CDH13: variants seen among roughly 807,000 people sequenced by gnomAD.
CDH13 encodes the protein cadherin-13.
A neutral mutation model predicts 63.8 loss-of-function variants in CDH13; 24 were observed. The observed-to-expected ratio is 0.38, with a 90% CI of 0.27 to 0.53. The LOEUF is 0.53. Among genes scored for constraint, CDH13 ranks in the 20% least tolerant of loss-of-function variants. The pLI is 0.85. For missense variants in CDH13, 1,049 were observed against 903.1 expected (o/e 1.16, Z -2.07); for synonymous variants, 503 against 355.3 (o/e 1.42, Z -4.67).
intron 7 of CDH13, among the ~76,000 whole-genome samples, chr16:83,492,475 C>A (rs2074036905): frequency 6.6e-6 from 1 of 152,106 alleles, no homozygotes; most frequent in African/African-American, 2.4e-5. Context: ...ATAAATATTT[C>A]TGTTGGGGTA....
At chr16:82,759,520 G>A (rs1297363950) in intron 1 of CDH13, among the ~76,000 whole-genome samples, 3 of 150,528 alleles carry the variant, frequency 2.0e-5, no homozygotes, top group Admixed American at 1.3e-4. Flanking sequence ...ATATTAATAT[G>A]TAGTAATATA....
chr16:82,858,462 C>T lies in CDH13; in HGVS notation c.146C>T (p.Ser49Leu). Residue 49 changes from serine to leucine, a missense_variant, in exon 2 of 14, where the codon TCA (serine) becomes TTA (leucine). By Grantham distance (145) the Ser-to-Leu change is moderately radical. Transcript: ENST00000567109. The part of the protein sequence containing the change: ...NQPAEFIEDQ[S>L]ILNLTFSDCK... The stretch of plus-strand genomic sequence containing the variant: ...CCAGCTGAATTCATTGAGGACCAGT[C>T]AATTCTAAACTGTAAGCAATGTCAC... 6.3e-7 allele frequency: 1 copy of T among 1,598,542 alleles called. No homozygotes were observed. The highest frequency in any genetic ancestry group is 8.6e-7 in the Non-Finnish European group (1 of 1,165,882).
chr16:83,594,414 T>C (rs2150740606), intron 7 of CDH13, among the ~76,000 whole-genome samples: 1 of 151,786 alleles, frequency 6.6e-6, no homozygotes, highest in Non-Finnish European at 1.5e-5. Context: ...GCCAGGGTGA[T>C]AATAATTGAT....
rs541547937 is a variant in CDH13 at position 83,496,880 on chromosome 16, C to T, written c.960+10225C>T. 2.5e-3 allele frequency among the ~76,000 whole-genome samples: 375 copies of T among 152,296 alleles called. 1 individual carries two copies. The highest frequency in any genetic ancestry group is 8.6e-3 in the African/African-American group (357 of 41,552). ...TGAACAGACACTTCTCAAAAGAAGA[C>T]GTTTATGCAGCCAAAAAACACATGA... On this transcript the variant is annotated intron_variant, in intron 7 of 13. Coordinates refer to ENST00000567109, the MANE Select transcript of CDH13 (RefSeq NM_001257.5).
chr16:83,678,727 C>G (rs1915164276), intron 10 of CDH13, among the ~76,000 whole-genome samples: 1 of 152,174 alleles, frequency 6.6e-6, no homozygotes, highest in African/African-American at 2.4e-5. Flanking sequence ...CCAGCCGGGT[C>G]TGCTGGCCCT....
At chr16:83,583,589 C>G (rs1905843351) in intron 7 of CDH13, among the ~76,000 whole-genome samples, 1 of 152,176 alleles carries the variant, frequency 6.6e-6, no homozygotes, top group Non-Finnish European at 1.5e-5. Flanking sequence ...GGTAAGATTG[C>G]TTTATTTTGC....
At chr16:83,166,076 C>T (rs981648776) in intron 4 of CDH13, among the ~76,000 whole-genome samples, 3 of 152,096 alleles carry the variant, frequency 2.0e-5, no homozygotes, top group Non-Finnish European at 4.4e-5. Flanking sequence ...AAGCATTTTG[C>T]CATTAGCAGC....
intron 4 of CDH13, among the ~76,000 whole-genome samples, chr16:83,154,547 C>G (rs1216339097): frequency 6.9e-6 from 1 of 145,904 alleles, no homozygotes; most frequent in Admixed American, 6.9e-5. Context: ...AACCTGGCGA[C>G]AGAGAGACTC....
At chr16:82,763,024 A>C (rs371691524) in intron 1 of CDH13, among the ~76,000 whole-genome samples, 10 of 152,296 alleles carry the variant, frequency 6.6e-5, no homozygotes, top group African/African-American at 2.4e-4. Context: ...AAAAATAACC[A>C]GCAGTACCTT....
At chr16:83,213,747 G>A (rs1027554403) in intron 4 of CDH13, among the ~76,000 whole-genome samples, 3 of 152,192 alleles carry the variant, frequency 2.0e-5, no homozygotes, top group South Asian at 4.1e-4. Context: ...GTGGTAATGA[G>A]AGGTGAAGCC....
At chr16:82,789,957 G>A (rs1482302943) in intron 1 of CDH13, among the ~76,000 whole-genome samples, 1 of 152,096 alleles carries the variant, frequency 6.6e-6, no homozygotes, top group Non-Finnish European at 1.5e-5. Flanking sequence ...ATCTTTCTCA[G>A]ACCAGCCCCC....
intron 10 of CDH13, among the ~76,000 whole-genome samples, chr16:83,736,990 A>G (rs542087177): frequency 1.3e-5 from 2 of 152,304 alleles, no homozygotes; most frequent in African/African-American, 2.4e-5. Context: ...ATTGTTTGCC[A>G]GGGAAGGCTC....
intron 7 of CDH13, among the ~76,000 whole-genome samples, chr16:83,524,195 G>A (rs1445361180): frequency 6.6e-6 from 1 of 152,170 alleles, no homozygotes; most frequent in Non-Finnish European, 1.5e-5. Flanking sequence ...AGAATTTGCA[G>A]TTAAGAGAAT....
In CDH13 at chr16:83,684,168, A is replaced by C. The variant is rs563219668; in HGVS notation, c.1538+5707A>C. ...GATCACTTGAGATCAGGAGTTCGAGACCAGCCTGGCCAACATGACGAAACG... is the reference window on the plus strand; with the variant it reads ...GATCACTTGAGATCAGGAGTTCGAGCCCAGCCTGGCCAACATGACGAAACG... On this transcript the variant is annotated intron_variant, in intron 10 of 13. Coordinates refer to ENST00000567109, the MANE Select transcript of CDH13 (RefSeq NM_001257.5). Among the ~76,000 whole-genome samples, 3 of 152,224 alleles carry C rather than the reference A, an allele frequency of 2.0e-5. No homozygotes were observed. In the South Asian group the frequency reaches 6.2e-4, roughly 32 times the overall value.
At chr16:83,333,915 C>T (rs1341303953) in intron 5 of CDH13, among the ~76,000 whole-genome samples, 1 of 152,172 alleles carries the variant, frequency 6.6e-6, no homozygotes, top group African/African-American at 2.4e-5. Context: ...TAAATTACCA[C>T]ACAGTGACTC....
chr16:83,427,669 C>A (rs1488663855), intron 6 of CDH13, among the ~76,000 whole-genome samples: 1 of 152,050 alleles, frequency 6.6e-6, no homozygotes, highest in South Asian at 2.1e-4. Flanking sequence ...GATTATGGTG[C>A]CTTGTGCCTT....
At chr16:82,945,593 G>A (rs192464210) in intron 2 of CDH13, among the ~76,000 whole-genome samples, 14 of 151,912 alleles carry the variant, frequency 9.2e-5, no homozygotes, top group Admixed American at 5.2e-4. Context: ...TTTTTTCTTC[G>A]CGGTTGTTTA....
At chr16:83,523,289 GAATA>G (rs1168645362) in intron 7 of CDH13, among the ~76,000 whole-genome samples, 1 of 152,180 alleles carries the variant, frequency 6.6e-6, no homozygotes, top group African/African-American at 2.4e-5. Flanking sequence ...TAGCATTTTT[GAATA>G]AATAAATGAG....
At chr16:83,123,206 A>C (rs1315651277) in intron 3 of CDH13, among the ~76,000 whole-genome samples, 1 of 151,834 alleles carries the variant, frequency 6.6e-6, no homozygotes, top group African/African-American at 2.4e-5. Flanking sequence ...ATCTTTATAG[A>C]TATGTTTATA....
Sources: allele counts gnomAD v4.1 joint callset (sites outside exome capture counted in the v4.1 genomes callset), GRCh38; gene constraint gnomAD v4.1.1; transcripts MANE v1.5; gene names NCBI Gene and HGNC (gene_info 2026-07-23, HGNC 2026-07-21).